ADAMTS6: variants seen among roughly 807,000 people sequenced by gnomAD.
ADAMTS6 encodes the protein A disintegrin and metalloproteinase with thrombospondin motifs 6.
Under a neutral mutation model 144.3 loss-of-function variants are expected in ADAMTS6, and 23 were observed. The observed-to-expected ratio is 0.16, with a 90% CI of 0.11 to 0.23. The LOEUF is 0.23. Among genes scored for constraint, ADAMTS6 ranks in the 10% least tolerant of loss-of-function variants. The pLI is 1.00. For missense variants in ADAMTS6, 999 were observed against 1,379.6 expected, an observed-to-expected ratio of 0.72 and a Z score of 4.37; for synonymous variants, 444 against 457.5, an observed-to-expected ratio of 0.97 and a Z score of 0.38.
intron 20 of ADAMTS6, among the ~76,000 whole-genome samples, chr5:65,200,308 T>C (rs990154449): frequency 2.6e-5 from 4 of 152,186 alleles, no homozygotes; most frequent in African/African-American, 9.6e-5. Flanking sequence ...AAATGCAGCT[T>C]TTAACTTTAG....
chr5:65,201,171 T>G (rs1049587449), intron 20 of ADAMTS6, among the ~76,000 whole-genome samples: 3 of 152,162 alleles, frequency 2.0e-5, no homozygotes, highest in African/African-American at 7.2e-5. Flanking sequence ...GAGTCCTGGA[T>G]GGAAACCATC....
intron 15 of ADAMTS6, among the ~76,000 whole-genome samples, chr5:65,226,643 T>C (rs11747110): frequency 0.29 from 44,745 of 151,880 alleles, 6,859 homozygotes; most frequent in Admixed American, 0.38. Context: ...TGGAGTGCAA[T>C]GGTGCCATGT....
intron 5 of ADAMTS6, 105 bp from the exon 6 acceptor site, chr5:65,452,321 T>A: frequency 1.1e-6 from 1 of 909,860 alleles, no homozygotes; most frequent in Non-Finnish European, 1.7e-6. Context: ...TTAGCCATTG[T>A]ATACATTACC....
intron 7 of ADAMTS6, among the ~76,000 whole-genome samples, chr5:65,432,242 C>T (rs912792971): frequency 1.3e-5 from 2 of 151,930 alleles, no homozygotes; most frequent in African/African-American, 4.8e-5. Flanking sequence ...GGAAAAACTT[C>T]TAATAAATAA....
chr5:65,157,011 GGGAAT>G (rs1752463319), intron 24 of ADAMTS6, among the ~76,000 whole-genome samples: 1 of 152,240 alleles, frequency 6.6e-6, no homozygotes. Context: ...GACTTCTGGT[GGGAAT>G]GACTTTACGG....
chr5:65,346,818 A>G (rs1279687030), intron 7 of ADAMTS6, among the ~76,000 whole-genome samples: 1 of 151,784 alleles, frequency 6.6e-6, no homozygotes. Context: ...CTACTAAAAA[A>G]CTGTTAGAAC....
chr5:65,446,732 G>A (rs973971115), intron 7 of ADAMTS6, among the ~76,000 whole-genome samples: 2 of 152,138 alleles, frequency 1.3e-5, no homozygotes, highest in African/African-American at 4.8e-5. Context: ...TATTTCATTT[G>A]TATGTATGGT....
chr5:65,372,799 T>C (rs1393714298), intron 7 of ADAMTS6, among the ~76,000 whole-genome samples: 1 of 152,198 alleles, frequency 6.6e-6, no homozygotes. Context: ...ATCAACAGAA[T>C]ATACATTTTT....
chr5:65,434,866 C>T (rs138914910), intron 7 of ADAMTS6, among the ~76,000 whole-genome samples: 21 of 152,206 alleles, frequency 1.4e-4, no homozygotes, highest in African/African-American at 5.1e-4. Flanking sequence ...CCCTTATGAC[C>T]CATTAGCTCT....
At chr5:65,415,521 T>TGGA (rs1369170321) in intron 7 of ADAMTS6, 2 of 293,874 alleles carry the variant, frequency 6.8e-6, no homozygotes, top group Non-Finnish European at 1.4e-5. Flanking sequence ...GGACTAGGAG[T>TGGA]GGATGCCTGT....
intron 7 of ADAMTS6, among the ~76,000 whole-genome samples, chr5:65,409,772 A>G (rs551955688): frequency 2.0e-5 from 3 of 152,368 alleles, no homozygotes; most frequent in Admixed American, 6.5e-5. Flanking sequence ...AACTGAATCC[A>G]GCAGCACATC....
At chr5:65,441,286 G>A (rs1203899163) in intron 7 of ADAMTS6, among the ~76,000 whole-genome samples, 1 of 152,048 alleles carries the variant, frequency 6.6e-6, no homozygotes, top group Non-Finnish European at 1.5e-5. Flanking sequence ...ACCCAAAATT[G>A]AATACACAGA....
intron 4 of ADAMTS6, among the ~76,000 whole-genome samples, chr5:65,455,692 A>T (rs947631003): frequency 1.3e-5 from 2 of 151,870 alleles, no homozygotes; most frequent in African/African-American, 4.8e-5. Flanking sequence ...AGTCCCAGCT[A>T]CTAGGAAGGC....
chr5:65,228,238 A>T (rs78506486), intron 15 of ADAMTS6, among the ~76,000 whole-genome samples: 29,081 of 151,908 alleles, frequency 0.19, 3,722 homozygotes, highest in African/African-American at 0.37. Context: ...CATTTTGTGC[A>T]TTAGGCTTTA....
At chr5:65,230,240 G>C (rs1758044785) in intron 15 of ADAMTS6, among the ~76,000 whole-genome samples, 1 of 143,762 alleles carries the variant, frequency 7.0e-6, no homozygotes, top group East Asian at 2.0e-4. Flanking sequence ...TATAACTATA[G>C]ATTTTTATAT....
At chr5:65,154,269 T>C (rs1317415843) in intron 24 of ADAMTS6, among the ~76,000 whole-genome samples, 1 of 152,172 alleles carries the variant, frequency 6.6e-6, no homozygotes, top group African/African-American at 2.4e-5. Flanking sequence ...GTTCCTTAGA[T>C]GAGTGCTAGA....
intron 11 of ADAMTS6, among the ~76,000 whole-genome samples, chr5:65,282,180 T>A (rs1561373273): frequency 6.6e-6 from 1 of 152,130 alleles, no homozygotes. Flanking sequence ...GCCCATGACA[T>A]GGCCCCAGGA....
intron 7 of ADAMTS6, among the ~76,000 whole-genome samples, chr5:65,369,615 C>G (rs2150116455): frequency 6.6e-6 from 1 of 151,140 alleles, no homozygotes; most frequent in Admixed American, 6.6e-5. Flanking sequence ...CAGAAAACAA[C>G]TAATAAATCA....
chr5:65,358,238 G>C (rs1043618985), intron 7 of ADAMTS6, among the ~76,000 whole-genome samples: 2 of 151,854 alleles, frequency 1.3e-5, no homozygotes, highest in Non-Finnish European at 1.5e-5. Context: ...CTGAATGAGT[G>C]CATAAAAAGC....
Sources: allele counts gnomAD v4.1 joint callset (sites outside exome capture counted in the v4.1 genomes callset), GRCh38; gene constraint gnomAD v4.1.1; transcripts MANE v1.5; gene names NCBI Gene and HGNC (gene_info 2026-07-23, HGNC 2026-07-21).